Variants in TNS3 observed in about 807,000 individuals in gnomAD.
TNS3 encodes tensin 3, also known as tensin-3.
Under a neutral mutation model 140.9 loss-of-function variants are expected in TNS3, and 45 were observed. The observed-to-expected ratio is 0.32, with a 90% CI of 0.25 to 0.41. TNS3 has a LOEUF of 0.41. Ranked by LOEUF, TNS3 falls within the 10% of genes least tolerant of loss-of-function variation. TNS3 has a pLI of 1.00. For synonymous variants in TNS3, 815 were observed against 788.4 expected, an observed-to-expected ratio of 1.03 and a Z score of -0.56; for missense variants, 1,716 against 1,906.7, an observed-to-expected ratio of 0.90 and a Z score of 1.86.
At chr7:47,547,688 G>A (rs773612736) in intron 1 of TNS3, among the ~76,000 whole-genome samples, 32 of 152,208 alleles carry the variant, frequency 2.1e-4, no homozygotes, top group East Asian at 1.9e-4. Flanking sequence ...ATGGCCCCAC[G>A]TCTACGCCGC....
intron 16 of TNS3, 83 bp downstream of exon 16, chr7:47,396,717 T>C: frequency 2.5e-6 from 3 of 1,194,806 alleles, no homozygotes; most frequent in South Asian, 1.2e-5. Context: ...CTTAGCAGAC[T>C]GCAAAATACT....
intron 16 of TNS3, among the ~76,000 whole-genome samples, chr7:47,378,451 C>T (rs1420360285): frequency 6.6e-6 from 1 of 152,170 alleles, no homozygotes; most frequent in Non-Finnish European, 1.5e-5. Context: ...TCCCAGGCAC[C>T]AACTTTGCTA....
chr7:47,395,290 G>C (rs919887485), intron 16 of TNS3, among the ~76,000 whole-genome samples: 8 of 152,154 alleles, frequency 5.3e-5, no homozygotes, highest in African/African-American at 1.9e-4. Context: ...TGGAATTTAG[G>C]ATGCTAAGTC....
chr7:47,414,068 A>G, intron 11 of TNS3, 71 bp from the exon 12 acceptor site: 1 of 1,546,130 alleles, frequency 6.5e-7, no homozygotes. Flanking sequence ...GCAATCAGAA[A>G]GACAGAAAGC....
At chr7:47,442,485 C>G (rs1473068701) in intron 4 of TNS3, among the ~76,000 whole-genome samples, 1 of 152,190 alleles carries the variant, frequency 6.6e-6, no homozygotes, top group Non-Finnish European at 1.5e-5. Context: ...TTTAAAGAGC[C>G]TATTCAACAG....
intron 1 of TNS3, among the ~76,000 whole-genome samples, chr7:47,534,344 T>C (rs1799526269): frequency 6.6e-6 from 1 of 152,026 alleles, no homozygotes; most frequent in Non-Finnish European, 1.5e-5. Flanking sequence ...ACATAAGTTC[T>C]GATACCTACA....
intron 20 of TNS3, among the ~76,000 whole-genome samples, chr7:47,317,129 T>C (rs1414676011): frequency 6.6e-6 from 1 of 152,218 alleles, no homozygotes; most frequent in African/African-American, 2.4e-5. Context: ...TTTCAGCAAA[T>C]ATGAGAAATG....
chr7:47,497,697 A>ACACACACG (rs139313048), intron 3 of TNS3, among the ~76,000 whole-genome samples: 23,954 of 148,224 alleles, frequency 0.16, 2,137 homozygotes, highest in Admixed American at 0.2. Flanking sequence ...ACACACACAC[A>ACACACACG]GAGCAGGAAA....
intron 3 of TNS3, among the ~76,000 whole-genome samples, chr7:47,499,725 G>A (rs1275536821): frequency 6.6e-6 from 1 of 152,168 alleles, no homozygotes; most frequent in African/African-American, 2.4e-5. Flanking sequence ...GAGAAGCGCG[G>A]CACAGAGGAT....
intron 3 of TNS3, among the ~76,000 whole-genome samples, chr7:47,499,228 G>A (rs1798124552): frequency 6.6e-6 from 1 of 152,218 alleles, no homozygotes; most frequent in African/African-American, 2.4e-5. Context: ...AGGAGTAATA[G>A]TTCCCAGTAG....
chr7:47,469,792 G>A (rs1251499880), intron 4 of TNS3, among the ~76,000 whole-genome samples: 2 of 151,982 alleles, frequency 1.3e-5, no homozygotes, highest in Admixed American at 1.3e-4. Context: ...TGACCAACAT[G>A]GTGAAACACT....
intron 20 of TNS3, among the ~76,000 whole-genome samples, chr7:47,317,725 A>C (rs552116901): frequency 2.7e-4 from 41 of 152,302 alleles, no homozygotes; most frequent in Admixed American, 2.4e-3. Context: ...ACTGAAGTGG[A>C]GCTACTGAGG....
At chr7:47,495,339 G>C (rs965445286) in intron 3 of TNS3, among the ~76,000 whole-genome samples, 8 of 152,318 alleles carry the variant, frequency 5.3e-5, no homozygotes, top group Middle Eastern at 3.4e-3. Context: ...CTAAGTGCCT[G>C]TCCTGTGGTC....
At position 47,297,101 on chromosome 7, in the gene TNS3, G is replaced by T. The variant is rs760867404; in HGVS notation, c.3657C>A (p.Val1219=). The part of the protein sequence containing the change: ...AMKVATPPPS[V]LQLNKKAGDL... ...CCTTACCTTTCTTGTTCAGCTGCAGGACTGAAGGTGGGGGCGTGGCCACCT... is the reference window on the plus strand; with the variant it reads ...CCTTACCTTTCTTGTTCAGCTGCAGTACTGAAGGTGGGGGCGTGGCCACCT... Residue 1219 remains valine (V), a synonymous_variant, in exon 24 of 31, where the codon GTC becomes GTA. Transcript: ENST00000311160. The T allele has an allele frequency of 5.0e-6, 8 of 1,614,046 alleles. No homozygotes were observed. Among genetic ancestry groups the T allele is most frequent in the Non-Finnish European group, 6.8e-6 (8 of 1,180,044 alleles).
chr7:47,538,391 AACCCTGT>A (rs1475426124), intron 1 of TNS3, among the ~76,000 whole-genome samples: 3 of 152,134 alleles, frequency 2.0e-5, no homozygotes, highest in Non-Finnish European at 4.4e-5. Flanking sequence ...CAGGCCAGCT[AACCCTGT>A]ACTCCTACCA....
Position 47,481,982 on chromosome 7 carries a change from G to A in TNS3, c.-114-841C>T, listed in dbSNP as rs565206127. On this transcript the variant is annotated intron_variant, in intron 3 of 30. Coordinates refer to ENST00000311160, the MANE Select transcript of TNS3 (RefSeq NM_022748.12). ...GTGAGAATTAAGAGATGGCGCGTGA[G>A]GAGCTCAGAAGAGTGGCACAGGGCA... 4.3e-3 allele frequency among the ~76,000 whole-genome samples: 651 copies of A among 152,344 alleles called. 6 individuals carry two copies. The highest frequency in any genetic ancestry group is 0.015 in the African/African-American group (618 of 41,578).
At position 47,275,982 on chromosome 7, in the gene TNS3, C is replaced by T; in HGVS notation, c.*2094G>A. ...CATCCTTCATCAGAAGGATAAGGAA[C>T]CTGGCCTGCACTCTTTGGGTTAAAC... On this transcript the variant is annotated 3_prime_UTR_variant, in exon 31 of 31. Coordinates refer to ENST00000311160, the MANE Select transcript of TNS3 (RefSeq NM_022748.12). The T allele has an allele frequency of 2.4e-6, 1 of 411,992 alleles. No homozygotes were observed. The highest frequency in any genetic ancestry group is 4.9e-6 in the Non-Finnish European group (1 of 204,792). The allele number at this position is 411,992 out of a possible 1,614,324, so 25.5% of individuals were successfully genotyped here.
At chr7:47,436,013 C>A (rs577153837) in intron 7 of TNS3, among the ~76,000 whole-genome samples, 4 of 152,290 alleles carry the variant, frequency 2.6e-5, no homozygotes, top group African/African-American at 9.6e-5. Context: ...AGTGGCCACA[C>A]GGGGGTGTTG....
intron 16 of TNS3, among the ~76,000 whole-genome samples, chr7:47,389,068 A>T (rs750344353): frequency 3.3e-5 from 2 of 59,778 alleles, no homozygotes; most frequent in African/African-American, 1.4e-4. Context: ...AAGAAGAAGA[A>T]GAAGAAGAAG....
Sources: gnomAD v4.1 joint callset for allele counts (sites outside exome capture counted in the v4.1 genomes callset) on GRCh38, gnomAD v4.1.1 for gene constraint, MANE v1.5 for transcripts, NCBI Gene and HGNC (gene_info 2026-07-23, HGNC 2026-07-21) for gene names.